The following FICD variants were observed in gnomAD, a reference collection of about 807,000 sequenced individuals.
FICD encodes the protein protein adenylyltransferase FICD.
FICD carries 13 observed loss-of-function variants against 28.0 expected under a neutral mutation model. That is an observed-to-expected ratio of 0.46 (90% confidence interval 0.30 to 0.74). The LOEUF (loss-of-function observed/expected upper bound fraction) is 0.74, where lower values mean the gene tolerates loss of function less well. Among genes scored for constraint, FICD ranks in the 30% least tolerant of loss-of-function variants. FICD has a pLI of 0.07. For synonymous variants in FICD, 268 were observed against 266.4 expected, an observed-to-expected ratio of 1.01 and a Z score of -0.06; for missense variants, 576 against 624.5, an observed-to-expected ratio of 0.92 and a Z score of 0.83.
chr12:108,516,777 G>T (rs1296737767), intron 1 of FICD, 138 bp from the exon 2 acceptor site: 3 of 433,936 alleles, frequency 6.9e-6, no homozygotes, highest in African/African-American at 4.0e-5. Flanking sequence ...CCTCTAGTGA[G>T]ATCCAGTCCT....
Position 108,518,777 on chromosome 12 carries a change from A to G in FICD, c.679A>G (p.Ile227Val), listed in dbSNP as rs1565852973. The G allele has an allele frequency of 1.2e-6, 2 of 1,614,218 alleles. No individual in the cohort carries two copies. Among genetic ancestry groups the G allele is most frequent in the Non-Finnish European group, 1.7e-6 (2 of 1,180,040 alleles). ...CATGGAGGAGACCTACTACCATCAC[A>G]TCTACCACACAGTGGCCATCGAGGG... ...RVMEETYYHH[I>V]YHTVAIEGNT... Residue 227 changes from isoleucine (I) to valine (V), a missense_variant, in exon 3 of 3, where the codon ATC becomes GTC. By Grantham distance (29) the Ile-to-Val change is conservative. Transcript: ENST00000552695. This position sits in a 1 kb window ranked among gnomAD's most constrained non-coding sequence, Gnocchi z 4.4.
intron 2 of FICD, among the ~76,000 whole-genome samples, chr12:108,517,850 C>T (rs974209325): frequency 6.6e-6 from 1 of 152,162 alleles, no homozygotes; most frequent in African/African-American, 2.4e-5. Context: ...ACCAGGTCTC[C>T]AGACGTCACC....
At chr12:108,517,984 G>A in intron 2 of FICD, 1 of 633,162 alleles carries the variant, frequency 1.6e-6, no homozygotes, top group Non-Finnish European at 2.8e-6. Context: ...GGGCCTCCCG[G>A]GGCAGGAACC....
chr12:108,519,356 A>G lies in FICD; in HGVS notation c.1258A>G (p.Lys420Glu). ...DVRPFIRFIA[K>E]CTETTLDTLL... The stretch of plus-strand genomic sequence containing the variant: ...GAGGCCTTTCATTCGCTTCATCGCC[A>G]AGTGTACTGAGACCACCCTGGACAC... Residue 420 changes from lysine (K) to glutamate (E), a missense_variant, in exon 3 of 3, where the codon AAG becomes GAG. Lys to Glu is a moderately conservative substitution (Grantham distance 56, BLOSUM62 1). Coordinates refer to ENST00000552695, the MANE Select transcript of FICD (RefSeq NM_007076.3). The surrounding 1 kb of genome is among the most constrained non-coding windows in gnomAD (Gnocchi z 4.5). The G allele has an allele frequency of 6.2e-7, 1 of 1,614,170 alleles. No homozygotes were observed. Among genetic ancestry groups the G allele is most frequent in the African/African-American group, 1.3e-5 (1 of 75,038 alleles).
Position 108,518,983 on chromosome 12 carries a change from G to A in FICD, c.885G>A (p.Arg295=). 6.2e-7 allele frequency: 1 copy of A among 1,614,170 alleles called. No individual in the cohort carries two copies. Among genetic ancestry groups the A allele is most frequent in the East Asian group, 2.2e-5 (1 of 44,876 alleles). ...TCAGCGACGTGCTGGAGATCCACAG[G>A]CGGGTGCTGGGCTACGTGGACCCCG... is the stretch of plus-strand genomic sequence containing the variant. ...VTISDVLEIH[R]RVLGYVDPVE... Residue 295 remains arginine, a synonymous_variant, in exon 3 of 3, where the codon AGG becomes AGA. Coordinates refer to ENST00000552695, the MANE Select transcript of FICD (RefSeq NM_007076.3). This position sits in a 1 kb window ranked among gnomAD's most constrained non-coding sequence, Gnocchi z 4.4.
chr12:108,518,925 C>CG lies in FICD; in HGVS notation c.828dup (p.Thr277AspfsTer82), dbSNP rs779383635. 6.2e-7 allele frequency: 1 copy of CG among 1,614,196 alleles called. No homozygotes were observed. Among genetic ancestry groups the CG allele is most frequent in the Non-Finnish European group, 8.5e-7 (1 of 1,180,044 alleles). ...CATGCAGCCATGAAGTACATCAACA[C>CG]GACTCTGGTTTCGCGCATCGGCTCC... is the stretch of plus-strand genomic sequence containing the variant. On this transcript the variant is annotated frameshift_variant, in exon 3 of 3. Coordinates refer to ENST00000552695, the MANE Select transcript of FICD (RefSeq NM_007076.3). LOFTEE classifies it high-confidence loss of function. The surrounding 1 kb of genome is among the most constrained non-coding windows in gnomAD (Gnocchi z 4.4).
rs768960489 is a variant in FICD, at chr12:108,519,175, C to T, written c.1077C>T (p.Leu359=). Residue 359 remains leucine (L), a synonymous_variant, in exon 3 of 3, where the codon CTC becomes CTT. Transcript: ENST00000552695. This position sits in a 1 kb window ranked among gnomAD's most constrained non-coding sequence, Gnocchi z 4.5. ...VEFAALAHYK[L]VYIHPFIDGN... is the part of the protein sequence containing the mutation. The stretch of plus-strand genomic sequence containing the variant: ...TTGCAGCCTTAGCCCATTATAAACT[C>T]GTTTACATCCACCCTTTCATTGATG... 5.6e-6 allele frequency: 9 copies of T among 1,614,132 alleles called. No homozygotes were observed. The highest frequency in any genetic ancestry group is 4.0e-5 in the African/African-American group (3 of 74,954).
intron 1 of FICD, among the ~76,000 whole-genome samples, chr12:108,515,829 A>G (rs1871895697): frequency 6.6e-6 from 1 of 152,050 alleles, no homozygotes; most frequent in African/African-American, 2.4e-5. Context: ...GCTTAGTAAT[A>G]AGGTAGAAAT....
At position 108,519,359 on chromosome 12, in the gene FICD, T is replaced by C. The variant is rs779001984; in HGVS notation, c.1261T>C (p.Cys421Arg). The C allele has an allele frequency of 1.9e-6, 3 of 1,613,940 alleles. No homozygotes were observed. The highest frequency in any genetic ancestry group is 2.5e-6 in the Non-Finnish European group (3 of 1,180,014). Residue 421 changes from cysteine to arginine, a missense_variant, in exon 3 of 3, where the codon TGT becomes CGT. Coordinates refer to ENST00000552695, the MANE Select transcript of FICD (RefSeq NM_007076.3). This position sits in a 1 kb window ranked among gnomAD's most constrained non-coding sequence, Gnocchi z 4.5. Reference sequence around the variant, plus strand: ...GCCTTTCATTCGCTTCATCGCCAAGTGTACTGAGACCACCCTGGACACCCT... The same window carrying C: ...GCCTTTCATTCGCTTCATCGCCAAGCGTACTGAGACCACCCTGGACACCCT... Reference protein sequence around the residue: ...VRPFIRFIAKCTETTLDTLLF... With the variant: ...VRPFIRFIAKRTETTLDTLLF...
At position 108,519,653 on chromosome 12, in the gene FICD, A is replaced by G. The variant is rs1872042461; in HGVS notation, c.*178A>G. The G allele has an allele frequency of 7.2e-6, 4 of 559,406 alleles. No individual in the cohort carries two copies. The East Asian group carries it at 1.2e-4, about 16-fold the overall frequency. 34.7% of individuals were successfully genotyped at this position (559,406 alleles called of 1,614,324 possible). A position where few individuals can be genotyped will look rare whatever the true frequency, so the allele number is the denominator to read the frequency against. ...TGAAGCCTTGTCTCTAAAATAACTT[A>G]TAATTCAACCAAGCTATTTATTTTC... On this transcript the variant is annotated 3_prime_UTR_variant, in exon 3 of 3. Coordinates refer to ENST00000552695, the MANE Select transcript of FICD (RefSeq NM_007076.3). This position sits in a 1 kb window ranked among gnomAD's most constrained non-coding sequence, Gnocchi z 4.5.
At position 108,517,254 on chromosome 12, in the gene FICD, C is replaced by CAAG. The variant is rs1871937513; in HGVS notation, c.284_286dup (p.Lys95dup). The CAAG allele has an allele frequency of 6.5e-7, 1 of 1,538,904 alleles. No individual in the cohort carries two copies. Among genetic ancestry groups the CAAG allele is most frequent in the Admixed American group, 1.9e-5 (1 of 52,344 alleles). Reference sequence around the variant, plus strand: ...CCAGGGGCGCGACGCTGCTGGTGGCCAAGACCAAGGCCTCTCCAGGTAAGA... The same window carrying CAAG: ...CCAGGGGCGCGACGCTGCTGGTGGCCAAGAAGACCAAGGCCTCTCCAGGTAAGA... On this transcript the variant is annotated inframe_insertion, in exon 2 of 3. Coordinates refer to ENST00000552695, the MANE Select transcript of FICD (RefSeq NM_007076.3).
Position 108,519,442 on chromosome 12 carries a change from T to G in FICD, c.1344T>G (p.Ser448=), listed in dbSNP as rs751272046. 1 of 1,613,624 alleles carries G rather than the reference T, an allele frequency of 6.2e-7. No individual in the cohort carries two copies. Among genetic ancestry groups the G allele is most frequent in the Non-Finnish European group, 8.5e-7 (1 of 1,179,800 alleles). ...VALPEAQPNH[S]GFKETLPVKP is the part of the protein sequence containing the mutation. Reference sequence around the variant, plus strand: ...TGCCAGAAGCCCAACCCAACCACTCTGGGTTCAAGGAGACGCTTCCTGTGA... The same window carrying G: ...TGCCAGAAGCCCAACCCAACCACTCGGGGTTCAAGGAGACGCTTCCTGTGA... The change falls in exon 3 of 3, where the codon TCT becomes TCG. Residue 448 remains serine (S), a synonymous_variant. Coordinates refer to ENST00000552695, the MANE Select transcript of FICD (RefSeq NM_007076.3). This position sits in a 1 kb window ranked among gnomAD's most constrained non-coding sequence, Gnocchi z 4.5.
chr12:108,519,308 G>GA lies in FICD; in HGVS notation c.1212dup (p.Ala405SerfsTer19). On this transcript the variant is annotated frameshift_variant, in exon 3 of 3. Transcript: ENST00000552695. LOFTEE classifies it high-confidence loss of function. The surrounding 1 kb of genome is among the most constrained non-coding windows in gnomAD (Gnocchi z 4.5). ...GCGGTCCGACTACTACCACGTGTTG[G>GA]AAGCTGCCAACGAGGGCGACGTGAG... is the stretch of plus-strand genomic sequence containing the variant. 1 of 1,614,222 alleles carries GA rather than the reference G, an allele frequency of 6.2e-7. No homozygotes were observed. The highest frequency in any genetic ancestry group is 2.2e-5 in the East Asian group (1 of 44,886).
intron 2 of FICD, among the ~76,000 whole-genome samples, chr12:108,517,932 G>A (rs548453929): frequency 1.3e-5 from 2 of 152,238 alleles, no homozygotes; most frequent in South Asian, 2.1e-4. Flanking sequence ...GATGGTTGAC[G>A]CCCCCAGGGT....
In FICD at chr12:108,519,527, G is replaced by C. The variant is rs563476978; in HGVS notation, c.*52G>C. ...TGTCCTGAGGTAGGAAAAAAAAAAA[G>C]AAACAGCATTTCTAGAAACCTAGTC... On this transcript the variant is annotated 3_prime_UTR_variant, in exon 3 of 3. Transcript: ENST00000552695. This position sits in a 1 kb window ranked among gnomAD's most constrained non-coding sequence, Gnocchi z 4.5. 8.0e-6 allele frequency: 9 copies of C among 1,120,530 alleles called. No individual in the cohort carries two copies. The highest frequency in any genetic ancestry group is 8.0e-5 in the African/African-American group (5 of 62,550). 69.4% of individuals were successfully genotyped at this position (1,120,530 alleles called of 1,614,324 possible).
At position 108,518,768 on chromosome 12, in the gene FICD, T is replaced by C. The variant is rs763105184; in HGVS notation, c.670T>C (p.Tyr224His). 6.2e-7 allele frequency: 1 copy of C among 1,614,142 alleles called. No homozygotes were observed. The highest frequency in any genetic ancestry group is 8.5e-7 in the Non-Finnish European group (1 of 1,180,026). ...GCGCAGGGTCATGGAGGAGACCTACTACCATCACATCTACCACACAGTGGC... is the reference window on the plus strand; with the variant it reads ...GCGCAGGGTCATGGAGGAGACCTACCACCATCACATCTACCACACAGTGGC... ...ALRRVMEETYYHHIYHTVAIE... is the reference protein window; with the variant it reads ...ALRRVMEETYHHHIYHTVAIE... The change falls in exon 3 of 3, where the codon TAC becomes CAC. Residue 224 changes from tyrosine to histidine, a missense_variant. By Grantham distance (83) the Tyr-to-His change is moderately conservative. Transcript: ENST00000552695. This position sits in a 1 kb window ranked among gnomAD's most constrained non-coding sequence, Gnocchi z 4.4.
Position 108,518,809 on chromosome 12 carries a change from C to T in FICD, c.711C>T (p.Thr237=), listed in dbSNP as rs150326458. The T allele has an allele frequency of 2.0e-5, 33 of 1,614,086 alleles. No individual in the cohort carries two copies. Among genetic ancestry groups the T allele is most frequent in the Non-Finnish European group, 2.7e-5 (32 of 1,180,042 alleles). ...IYHTVAIEGN[T]LTLSEIRHIL... ...ACACAGTGGCCATCGAGGGCAACAC[C>T]CTCACCCTCTCGGAAATCAGGCACA... The change falls in exon 3 of 3, where the codon ACC becomes ACT. Residue 237 remains threonine (T), a synonymous_variant. Transcript: ENST00000552695. The surrounding 1 kb of genome is among the most constrained non-coding windows in gnomAD (Gnocchi z 4.4).
chr12:108,521,063 TCTC>T lies in FICD; in HGVS notation c.*1589_*1591del. On this transcript the variant is annotated 3_prime_UTR_variant, in exon 3 of 3. Transcript: ENST00000552695. The stretch of plus-strand genomic sequence containing the variant: ...TGCCAGAGGTACTTCTTAAAACTCT[TCTC>T]GTCTTGGTTTTATAAGCACACCACG... The T allele has an allele frequency of 6.6e-6, 1 of 152,348 alleles. No individual in the cohort carries two copies. Among genetic ancestry groups the T allele is most frequent in the Non-Finnish European group, 1.5e-5 (1 of 68,022 alleles). The allele number at this position is 152,348 out of a possible 1,614,324, so 9.4% of individuals were successfully genotyped here.
At position 108,518,123 on chromosome 12, in the gene FICD, G is replaced by A. The variant is rs1203337599; in HGVS notation, c.302-277G>A. On this transcript the variant is annotated intron_variant, in intron 2 of 2. Coordinates refer to ENST00000552695, the MANE Select transcript of FICD (RefSeq NM_007076.3). This position sits in a 1 kb window ranked among gnomAD's most constrained non-coding sequence, Gnocchi z 4.4. ...GCCTAGAACTTTCTATGTCCAGAAAGCAGGAGGCTAGGAAGCCAAGGAGGT... is the reference window on the plus strand; with the variant it reads ...GCCTAGAACTTTCTATGTCCAGAAAACAGGAGGCTAGGAAGCCAAGGAGGT... 3 of 702,228 alleles carry A rather than the reference G, an allele frequency of 4.3e-6. No homozygotes were observed. The Admixed American group carries it at 6.0e-5, about 14-fold the overall frequency. The allele number at this position is 702,228 out of a possible 1,614,324, so 43.5% of individuals were successfully genotyped here.
Sources: gnomAD v4.1 joint callset for allele counts (sites outside exome capture counted in the v4.1 genomes callset) on GRCh38, gnomAD v4.1.1 for gene constraint, Gnocchi (gnomAD v3.1) non-coding constraint, MANE v1.5 for transcripts, NCBI Gene and HGNC (gene_info 2026-07-23, HGNC 2026-07-21) for gene names.